Variants in AGBL5 observed in about 807,000 individuals in gnomAD.
The protein encoded by AGBL5 is cytosolic carboxypeptidase-like protein 5.
A neutral mutation model predicts 88.0 loss-of-function variants in AGBL5; 51 were observed. The observed-to-expected ratio is 0.58, with a 90% CI of 0.46 to 0.73. The LOEUF is 0.73. AGBL5 is among the 30% of genes least tolerant of loss of function. AGBL5 has a pLI of 0.00. For missense variants in AGBL5, 1,031 were observed against 1,162.2 expected (o/e 0.89, Z 1.64); for synonymous variants, 446 against 438.8 (o/e 1.02, Z -0.21).
chr2:27,069,453 C>G, intron 13 of AGBL5, 120 bp from the exon 14 acceptor site: 1 of 1,521,096 alleles, frequency 6.6e-7, no homozygotes, highest in Non-Finnish European at 8.8e-7. Flanking sequence ...ATTCAATGTC[C>G]CAGTACCTCT....
In AGBL5 at chr2:27,067,475, T is replaced by C; in HGVS notation, c.2090-19T>C. The stretch of plus-strand genomic sequence containing the variant: ...CCCACTTATTTGCCCTTTTATCTGC[T>C]TGTATCTCTTCCACTCAGAGCCCCG... On this transcript the variant is annotated intron_variant, in intron 11 of 14. Transcript: ENST00000360131. 2 of 1,610,420 alleles carry C rather than the reference T, an allele frequency of 1.2e-6. No homozygotes were observed. Among genetic ancestry groups the C allele is most frequent in the Admixed American group, 1.7e-5 (1 of 59,942 alleles).
intron 6 of AGBL5, 164 bp from the exon 7 acceptor site, chr2:27,055,518 C>G: frequency 1.2e-6 from 1 of 812,586 alleles, no homozygotes; most frequent in South Asian, 1.9e-5. Flanking sequence ...GTAAGGGTGA[C>G]AGCAGATCAA....
Position 27,055,160 on chromosome 2 carries a change from C to G in AGBL5, c.815C>G (p.Pro272Arg), listed in dbSNP as rs757420415. 1 of 1,614,110 alleles carries G rather than the reference C, an allele frequency of 6.2e-7. No individual in the cohort carries two copies. Among genetic ancestry groups the G allele is most frequent in the African/African-American group, 1.3e-5 (1 of 74,934 alleles). ...GGCTTTCTGGACTTCATCCTCCGACCTGATGATCCCCGGGCCCAAACCCTC... is the reference window on the plus strand; with the variant it reads ...GGCTTTCTGGACTTCATCCTCCGACGTGATGATCCCCGGGCCCAAACCCTC... The part of the protein sequence containing the change: ...FNGFLDFILR[P>R]DDPRAQTLRR... The change falls in exon 6 of 15, where the codon CCT (proline) becomes CGT (arginine). Residue 272 changes from proline (P) to arginine (R), a missense_variant. Transcript: ENST00000360131.
At chr2:27,054,331 T>C (rs922518421) in intron 4 of AGBL5, 33 of 552,930 alleles carry the variant, frequency 6.0e-5, no homozygotes, top group Non-Finnish European at 6.6e-5. Flanking sequence ...TTAGCCAGCA[T>C]TATGTGACTC....
In AGBL5 at chr2:27,053,976, C is replaced by T. The variant is rs754521080; in HGVS notation, c.468C>T (p.Cys156=). The change falls in exon 4 of 15, where the codon TGC becomes TGT. Residue 156 remains cysteine (C), a synonymous_variant. Transcript: ENST00000360131. This position sits in a 1 kb window ranked among gnomAD's most constrained non-coding sequence, Gnocchi z 4.9. ...GRGATTFFAF[C]YPFSYSDCQE... is the part of the protein sequence containing the mutation. ...GGGCCACCACCTTCTTCGCCTTCTG[C>T]TACCCCTTCTCCTACAGTGACTGCC... 6.2e-6 allele frequency: 10 copies of T among 1,614,188 alleles called. No individual in the cohort carries two copies. Among genetic ancestry groups the T allele is most frequent in the Non-Finnish European group, 8.5e-6 (10 of 1,180,030 alleles).
intron 4 of AGBL5, 101 bp from the exon 5 acceptor site, chr2:27,054,529 G>C: frequency 8.6e-7 from 1 of 1,166,642 alleles, no homozygotes; most frequent in Non-Finnish European, 1.2e-6. Flanking sequence ...CCAAAGGTTA[G>C]GGTGAAGGAC....
chr2:27,060,476 C>T (rs1048594785), intron 11 of AGBL5, among the ~76,000 whole-genome samples: 1 of 152,224 alleles, frequency 6.6e-6, no homozygotes, highest in Non-Finnish European at 1.5e-5. Flanking sequence ...CAAATCAATA[C>T]TGTACTGGCC....
intron 11 of AGBL5, 150 bp downstream of exon 11, chr2:27,059,554 A>T: frequency 6.7e-7 from 1 of 1,502,958 alleles, no homozygotes; most frequent in Admixed American, 2.2e-5. Context: ...CTCTCCTACG[A>T]CCTTGGTGTT....
In AGBL5 at chr2:27,053,748, G is replaced by C. The variant is rs1668291881; in HGVS notation, c.388-148G>C. 1 of 1,384,166 alleles carries C rather than the reference G, an allele frequency of 7.2e-7. No homozygotes were observed. The highest frequency in any genetic ancestry group is 9.7e-7 in the Non-Finnish European group (1 of 1,027,888). The allele number at this position is 1,384,166 out of a possible 1,614,324, so 85.7% of individuals were successfully genotyped here. On this transcript the variant is annotated intron_variant, in intron 3 of 14. Transcript: ENST00000360131. The surrounding 1 kb of genome is among the most constrained non-coding windows in gnomAD (Gnocchi z 4.9). ...ATGAGCCCCTGCCTCAGGAAGCCTA[G>C]AAGGAGCCACTTTTCATATAGAAAG...
upstream of AGBL5, chr2:27,050,974 G>C (rs1309890379): frequency 6.6e-6 from 1 of 152,224 alleles, no homozygotes; most frequent in Non-Finnish European, 1.5e-5. Flanking sequence ...CAGTCCATAG[G>C]GAACACCGTA....
chr2:27,055,674 TC>T lies in AGBL5; in HGVS notation c.909-6del. On this transcript the variant is annotated splice_polypyrimidine_tract_variant and splice_region_variant and intron_variant, in intron 6 of 14. Transcript: ENST00000360131. The stretch of plus-strand genomic sequence containing the variant: ...CTAGAACCTGCTTCAGTCCTTGTTT[TC>T]CTACAGCACAGACTCACGTGGAGTG... The T allele has an allele frequency of 6.2e-7, 1 of 1,606,722 alleles. No individual in the cohort carries two copies. Among genetic ancestry groups the T allele is most frequent in the African/African-American group, 1.3e-5 (1 of 74,918 alleles).
chr2:27,067,458 T>C (rs1212629450), intron 11 of AGBL5, 36 bp from the exon 12 acceptor site: 18 of 1,599,714 alleles, frequency 1.1e-5, no homozygotes, highest in Non-Finnish European at 1.5e-5. Flanking sequence ...GCCCCACTTA[T>C]TTGCCCTTTT....
chr2:27,057,260 T>A (rs1228771639), intron 8 of AGBL5, 43 bp from the exon 9 acceptor site: 4 of 1,580,738 alleles, frequency 2.5e-6, no homozygotes, highest in Non-Finnish European at 3.5e-6. Flanking sequence ...TCTGTCCTGG[T>A]ATCTGTTCAG....
rs1668338308 is a variant in AGBL5, at chr2:27,054,666, T to G, written c.588T>G (p.Leu196=). 6.2e-7 allele frequency: 1 copy of G among 1,613,984 alleles called. No individual in the cohort carries two copies. The change falls in exon 5 of 15, where the codon CTT becomes CTG. Residue 196 remains leucine, a synonymous_variant. Coordinates refer to ENST00000360131, the MANE Select transcript of AGBL5 (RefSeq NM_021831.6). Reference sequence around the variant, plus strand: ...CCATCTATTACCATCGGGAGCTCCTTTGCTATTCTCTGGATGGACTTCGTG... The same window carrying G: ...CCATCTATTACCATCGGGAGCTCCTGTGCTATTCTCTGGATGGACTTCGTG... The part of the protein sequence containing the change: ...LDTIYYHREL[L]CYSLDGLRVD...
At chr2:27,056,441 A>G (rs1668436403) in intron 7 of AGBL5, 182 bp from the exon 8 acceptor site, 2 of 665,322 alleles carry the variant, frequency 3.0e-6, no homozygotes, top group Non-Finnish European at 4.8e-6. Flanking sequence ...TAAAAAAAAA[A>G]GAATTGCTTC....
At chr2:27,056,947 G>C in intron 8 of AGBL5, 155 bp downstream of exon 8, 2 of 857,670 alleles carry the variant, frequency 2.3e-6, no homozygotes, top group Non-Finnish European at 3.3e-6. Context: ...GGCGAGCCGA[G>C]ATCGTGCCAT....
At chr2:27,058,001 G>A (rs1053024035) in intron 9 of AGBL5, among the ~76,000 whole-genome samples, 8 of 151,138 alleles carry the variant, frequency 5.3e-5, no homozygotes, top group Non-Finnish European at 1.2e-4. Flanking sequence ...ACTTGAACCC[G>A]GGAGGCAGAG....
chr2:27,061,119 G>C (rs1668695468), intron 11 of AGBL5: 1 of 152,136 alleles, frequency 6.6e-6, no homozygotes, highest in Non-Finnish European at 1.5e-5. Context: ...CCGGAGTGAA[G>C]TGGTGTGATC....
chr2:27,056,356 G>T, intron 7 of AGBL5: 2 of 618,738 alleles, frequency 3.2e-6, no homozygotes, highest in South Asian at 4.6e-5. Context: ...AAAGCTAACT[G>T]CATTATAGTC....
Sources: allele counts gnomAD v4.1 joint callset (sites outside exome capture counted in the v4.1 genomes callset), GRCh38; gene constraint gnomAD v4.1.1; non-coding constraint Gnocchi (gnomAD v3.1); transcripts MANE v1.5; gene names NCBI Gene and HGNC (gene_info 2026-07-23, HGNC 2026-07-21).